The following SLC24A2 variants were observed in gnomAD, a reference collection of about 807,000 sequenced individuals.
SLC24A2 encodes sodium/potassium/calcium exchanger 2.
A neutral mutation model predicts 62.0 loss-of-function variants in SLC24A2; 36 were observed. The observed-to-expected ratio is 0.58, with a 90% confidence interval of 0.44 to 0.77. SLC24A2 has a LOEUF of 0.77. Ranked by LOEUF, SLC24A2 falls within the 30% of genes least tolerant of loss-of-function variation. The pLI is 0.00. For synonymous variants in SLC24A2, 358 were observed against 294.0 expected (o/e 1.22, Z -2.23); for missense variants, 846 against 817.9 (o/e 1.03, Z -0.42).
At chr9:19,901,131 G>C in the SLC24A2 span, among the ~76,000 whole-genome samples, 1 of 152,188 alleles carries the variant, frequency 6.6e-6, no homozygotes, top group Non-Finnish European at 1.5e-5. Flanking sequence ...TCATGTGCCA[G>C]ATGTGAACTG....
chr9:20,008,186 G>C, the SLC24A2 span, among the ~76,000 whole-genome samples: 1 of 152,050 alleles, frequency 6.6e-6, no homozygotes, highest in East Asian at 1.9e-4. Flanking sequence ...TTAAGCCACT[G>C]CGCCTGGCCC....
intron 2 of SLC24A2, among the ~76,000 whole-genome samples, chr9:19,650,360 T>A (rs1193723052): frequency 6.6e-6 from 1 of 152,162 alleles, no homozygotes; most frequent in Non-Finnish European, 1.5e-5. Context: ...CAAAATGGAT[T>A]TCTGCAGGTA....
At chr9:19,779,253 G>A (rs1364998348) in intron 2 of SLC24A2, among the ~76,000 whole-genome samples, 3 of 152,318 alleles carry the variant, frequency 2.0e-5, no homozygotes, top group Non-Finnish European at 4.4e-5. Flanking sequence ...TCAAAATCAG[G>A]AAGCCTAATG....
chr9:19,985,991 C>A, the SLC24A2 span, among the ~76,000 whole-genome samples: 2 of 151,964 alleles, frequency 1.3e-5, no homozygotes, highest in African/African-American at 2.4e-5. Flanking sequence ...AAAAGACAAC[C>A]TATAGGATGG....
At chr9:19,568,095 C>T (rs1835728865) in intron 7 of SLC24A2, among the ~76,000 whole-genome samples, 3 of 152,142 alleles carry the variant, frequency 2.0e-5, no homozygotes, top group South Asian at 4.1e-4. Context: ...GGATGCGCAC[C>T]TCACTCTTAA....
intron 4 of SLC24A2, among the ~76,000 whole-genome samples, chr9:19,617,144 G>T (rs545870959): frequency 1.3e-5 from 2 of 152,318 alleles, no homozygotes; most frequent in Non-Finnish European, 2.9e-5. Flanking sequence ...GGATGAAACT[G>T]TTCCACCTCG....
chr9:19,719,892 A>G (rs886213056), intron 2 of SLC24A2, among the ~76,000 whole-genome samples: 3 of 152,210 alleles, frequency 2.0e-5, no homozygotes, highest in Admixed American at 6.5e-5. Context: ...AAATATATAC[A>G]TACATTGTTA....
chr9:19,633,461 A>G (rs1322200167), intron 2 of SLC24A2, among the ~76,000 whole-genome samples: 2 of 152,262 alleles, frequency 1.3e-5, no homozygotes, highest in Non-Finnish European at 2.9e-5. Flanking sequence ...AGCAATTGAT[A>G]TGATCACTAT....
chr9:19,798,598 C>CA, the SLC24A2 span, among the ~76,000 whole-genome samples: 5 of 146,448 alleles, frequency 3.4e-5, no homozygotes, highest in Admixed American at 6.8e-5. Flanking sequence ...ATCCTTTATA[C>CA]CACACACACA....
chr9:19,935,624 G>T, the SLC24A2 span, among the ~76,000 whole-genome samples: 1 of 152,184 alleles, frequency 6.6e-6, no homozygotes, highest in Non-Finnish European at 1.5e-5. Context: ...CTTCTTGTCT[G>T]TCCAAAGCGT....
the SLC24A2 span, among the ~76,000 whole-genome samples, chr9:19,842,600 G>C: frequency 6.6e-6 from 1 of 152,164 alleles, no homozygotes; most frequent in South Asian, 2.1e-4. Flanking sequence ...TGGCAACTTT[G>C]AGCTATACTG....
chr9:19,529,701 G>A (rs1833606344), intron 8 of SLC24A2, among the ~76,000 whole-genome samples: 1 of 150,534 alleles, frequency 6.6e-6, no homozygotes, highest in South Asian at 2.1e-4. Flanking sequence ...AATGGGTAAT[G>A]GGGGAAATAA....
the SLC24A2 span, among the ~76,000 whole-genome samples, chr9:20,296,230 G>A: frequency 2.6e-5 from 4 of 152,322 alleles, no homozygotes; most frequent in East Asian, 1.9e-4. Flanking sequence ...AAAGTGCAGC[G>A]AGTGTTTCCA....
At chr9:19,687,703 T>C (rs1343588439) in intron 2 of SLC24A2, among the ~76,000 whole-genome samples, 1 of 152,080 alleles carries the variant, frequency 6.6e-6, no homozygotes. Flanking sequence ...GCTTTGACCT[T>C]TGCATTCCTC....
chr9:20,219,567 C>T, the SLC24A2 span, among the ~76,000 whole-genome samples: 1 of 152,146 alleles, frequency 6.6e-6, no homozygotes, highest in Non-Finnish European at 1.5e-5. Context: ...TTAAGCTATT[C>T]TTAATAGTGC....
chr9:19,953,104 C>A, the SLC24A2 span, among the ~76,000 whole-genome samples: 2 of 151,936 alleles, frequency 1.3e-5, no homozygotes, highest in East Asian at 1.9e-4. Context: ...TATTTAGCAT[C>A]TGTATCTTGT....
the SLC24A2 span, among the ~76,000 whole-genome samples, chr9:20,262,696 G>A: frequency 1.3e-5 from 2 of 152,098 alleles, no homozygotes; most frequent in South Asian, 2.1e-4. Context: ...GGAAACCATC[G>A]GCTGAATTTG....
At chr9:19,761,017 C>T (rs1204170038) in intron 2 of SLC24A2, among the ~76,000 whole-genome samples, 1 of 151,954 alleles carries the variant, frequency 6.6e-6, no homozygotes, top group African/African-American at 2.4e-5. Context: ...ACGTATGTAA[C>T]AAATCTGCAT....
chr9:20,200,684 C>G, the SLC24A2 span, among the ~76,000 whole-genome samples: 1 of 152,170 alleles, frequency 6.6e-6, no homozygotes, highest in Admixed American at 6.5e-5. Flanking sequence ...GAAGCTTCAG[C>G]TTTATTAGCT....
Sources: gnomAD v4.1 joint callset for allele counts (sites outside exome capture counted in the v4.1 genomes callset) on GRCh38, gnomAD v4.1.1 for gene constraint, MANE v1.5 for transcripts, NCBI Gene and HGNC (gene_info 2026-07-23, HGNC 2026-07-21) for gene names.